The following KCNAB1 variants were observed in gnomAD, a reference collection of about 807,000 sequenced individuals.
KCNAB1 encodes potassium voltage-gated channel subfamily A regulatory beta subunit 1, also known as voltage-gated potassium channel subunit beta-1.
A neutral mutation model predicts 64.6 loss-of-function variants in KCNAB1; 35 were observed. That is an observed-to-expected ratio of 0.54 (90% CI 0.41 to 0.72). The LOEUF (loss-of-function observed/expected upper bound fraction) is 0.72. Among genes scored for constraint, KCNAB1 ranks in the 30% least tolerant of loss-of-function variants. KCNAB1 has a pLI of 0.00. For missense variants in KCNAB1, 401 were observed against 512.9 expected (o/e 0.78, Z 2.11); for synonymous variants, 177 against 183.8 (o/e 0.96, Z 0.30).
intron 1 of KCNAB1, among the ~76,000 whole-genome samples, chr3:156,359,201 G>A (rs991104050): frequency 2.0e-5 from 3 of 152,086 alleles, no homozygotes; most frequent in Non-Finnish European, 4.4e-5. Context: ...CCCCTGCATT[G>A]CAAAAGAAAA....
intron 7 of KCNAB1, among the ~76,000 whole-genome samples, chr3:156,468,354 T>C (rs542564873): frequency 1.9e-4 from 29 of 151,456 alleles, no homozygotes; most frequent in Non-Finnish European, 3.5e-4. Flanking sequence ...TGTGCATGCG[T>C]GTGTGTGTGT....
chr3:156,256,937 C>T (rs1003789059), intron 1 of KCNAB1, among the ~76,000 whole-genome samples: 14 of 152,166 alleles, frequency 9.2e-5, no homozygotes, highest in African/African-American at 3.1e-4. Context: ...TGTGGTGGCC[C>T]CGGCCACAGA....
intron 1 of KCNAB1, among the ~76,000 whole-genome samples, chr3:156,259,000 T>C (rs1282499011): frequency 6.6e-6 from 1 of 152,240 alleles, no homozygotes. Context: ...CTTTGTTTAA[T>C]GTTGTCTCTC....
intron 1 of KCNAB1, among the ~76,000 whole-genome samples, chr3:156,334,831 C>G (rs533279253): frequency 2.6e-5 from 4 of 152,168 alleles, no homozygotes; most frequent in African/African-American, 9.7e-5. Flanking sequence ...CGTCAGAACT[C>G]ACTGTGGAAT....
At chr3:156,516,410 G>A in intron 11 of KCNAB1, 46 bp downstream of exon 11, 1 of 1,369,148 alleles carries the variant, frequency 7.3e-7, no homozygotes, top group Non-Finnish European at 1.0e-6. Context: ...TAGGAAGGAG[G>A]GAAGAAGGTT....
At chr3:156,218,121 A>G (rs915002356) in intron 1 of KCNAB1, 1 of 152,268 alleles carries the variant, frequency 6.6e-6, no homozygotes, top group African/African-American at 2.4e-5. Flanking sequence ...CCTGGTCACC[A>G]GCTGCCAGAC....
At chr3:156,302,315 A>G (rs1721205235) in intron 1 of KCNAB1, among the ~76,000 whole-genome samples, 1 of 152,168 alleles carries the variant, frequency 6.6e-6, no homozygotes, top group African/African-American at 2.4e-5. Context: ...TTTACCATAG[A>G]AGGTAATATG....
chr3:156,445,538 C>A (rs78432762), intron 2 of KCNAB1, among the ~76,000 whole-genome samples: 2 of 152,112 alleles, frequency 1.3e-5, no homozygotes, highest in African/African-American at 4.8e-5. Context: ...GGTTAAAAAC[C>A]TCTTGTTGAA....
intron 1 of KCNAB1, among the ~76,000 whole-genome samples, chr3:156,181,571 TG>T (rs1712821759): frequency 6.6e-6 from 1 of 152,168 alleles, no homozygotes; most frequent in South Asian, 2.1e-4. Context: ...GAGGCTTATC[TG>T]GGAGTCCAGT....
At chr3:156,155,176 T>C (rs1715645051) in intron 1 of KCNAB1, among the ~76,000 whole-genome samples, 1 of 152,148 alleles carries the variant, frequency 6.6e-6, no homozygotes, top group Non-Finnish European at 1.5e-5. Flanking sequence ...TTTGGTACAC[T>C]ATCTATTTTT....
chr3:156,118,624 C>T (rs749779569), upstream of KCNAB1, among the ~76,000 whole-genome samples: 2 of 152,196 alleles, frequency 1.3e-5, no homozygotes, highest in Non-Finnish European at 2.9e-5. Context: ...TCTAGGATCA[C>T]AGCACTGGTA....
At chr3:156,155,503 A>G (rs1424786725) in intron 1 of KCNAB1, among the ~76,000 whole-genome samples, 1 of 152,222 alleles carries the variant, frequency 6.6e-6, no homozygotes, top group Non-Finnish European at 1.5e-5. Context: ...ATAGCCAAGG[A>G]AGGCCTCACT....
intron 1 of KCNAB1, among the ~76,000 whole-genome samples, chr3:156,224,500 C>T (rs886369160): frequency 1.3e-5 from 2 of 152,220 alleles, no homozygotes; most frequent in Non-Finnish European, 2.9e-5. Context: ...AATCTAAGTT[C>T]TTACCTCACA....
intron 8 of KCNAB1, among the ~76,000 whole-genome samples, chr3:156,490,172 C>T (rs981384395): frequency 1.3e-5 from 2 of 152,060 alleles, no homozygotes; most frequent in African/African-American, 4.8e-5. Context: ...CACCAGCAGC[C>T]AGGTCACACC....
chr3:156,199,092 G>C (rs992772406), intron 1 of KCNAB1, among the ~76,000 whole-genome samples: 3 of 151,710 alleles, frequency 2.0e-5, no homozygotes, highest in Non-Finnish European at 4.4e-5. Context: ...AGTTTGGCTG[G>C]ATATGAAATT....
At chr3:156,433,018 G>A (rs146146781) in intron 2 of KCNAB1, among the ~76,000 whole-genome samples, 1 of 152,310 alleles carries the variant, frequency 6.6e-6, no homozygotes, top group Non-Finnish European at 1.5e-5. Context: ...TGAACTCTTA[G>A]ACACTGCGAC....
At chr3:156,503,657 A>G (rs1332388216) in intron 8 of KCNAB1, among the ~76,000 whole-genome samples, 1 of 152,210 alleles carries the variant, frequency 6.6e-6, no homozygotes, top group Non-Finnish European at 1.5e-5. Context: ...TTATTTTCTT[A>G]GAGATGAGGT....
chr3:156,179,328 C>T (rs1284614368), intron 1 of KCNAB1, among the ~76,000 whole-genome samples: 1 of 151,962 alleles, frequency 6.6e-6, no homozygotes, highest in Non-Finnish European at 1.5e-5. Flanking sequence ...TATACCTTTC[C>T]TTTCCATTCC....
chr3:156,418,855 A>G (rs955387457), intron 1 of KCNAB1, among the ~76,000 whole-genome samples: 4 of 152,238 alleles, frequency 2.6e-5, no homozygotes, highest in Non-Finnish European at 5.9e-5. Flanking sequence ...AAAGTATTAG[A>G]GTTAAGGGAA....
Sources: gnomAD v4.1 joint callset for allele counts (sites outside exome capture counted in the v4.1 genomes callset) on GRCh38, gnomAD v4.1.1 for gene constraint, MANE v1.5 for transcripts, NCBI Gene and HGNC (gene_info 2026-07-23, HGNC 2026-07-21) for gene names.